ELAVL4: variants seen among roughly 807,000 people sequenced by gnomAD.
ELAVL4 encodes the protein ELAV-like protein 4.
In ELAVL4, 1 loss-of-function variant was observed where a neutral mutation model predicts 35.6. The observed-to-expected ratio is 0.03, with a 90% CI of 0.01 to 0.13. ELAVL4 has a LOEUF of 0.13. Ranked by LOEUF, ELAVL4 falls within the 10% of genes least tolerant of loss-of-function variation. ELAVL4 has a pLI of 1.00. For synonymous variants in ELAVL4, 156 were observed against 171.0 expected, an observed-to-expected ratio of 0.91 and a Z score of 0.69; for missense variants, 267 against 464.9, an observed-to-expected ratio of 0.57 and a Z score of 3.91.
At position 50,054,874 on chromosome 1, in the gene ELAVL4, G is replaced by A. The variant is rs1199017597; in HGVS notation, c.18+6692G>A. ...TTCAGCCAATACGGAGCACTTACAG[G>A]ATATCTCAGACAGAAGAAAAGTGAG... On this transcript the variant is annotated intron_variant, in intron 1 of 6. Transcript: ENST00000448907. Among the ~76,000 whole-genome samples the A allele has an allele frequency of 3.3e-5, 5 of 152,286 alleles. No individual in the cohort carries two copies. The East Asian group carries it at 7.7e-4, about 24-fold the overall frequency.
intron 1 of ELAVL4, among the ~76,000 whole-genome samples, chr1:50,116,417 T>C (rs967583): frequency 0.15 from 21,803 of 147,252 alleles, 1,760 homozygotes; most frequent in East Asian, 0.41. Flanking sequence ...TGTGTGCGTG[T>C]GTGTGTGTGT....
chr1:50,138,682 T>A (rs1478769969), intron 1 of ELAVL4, among the ~76,000 whole-genome samples: 1 of 152,042 alleles, frequency 6.6e-6, no homozygotes, highest in African/African-American at 2.4e-5. Context: ...GCCAGGTTGG[T>A]CTCAAACTCC....
intron 3 of ELAVL4, among the ~76,000 whole-genome samples, chr1:50,192,517 ACG>A (rs979201561): frequency 8.0e-4 from 92 of 114,702 alleles, no homozygotes; most frequent in South Asian, 5.1e-3. Context: ...TTTTGTGTGC[ACG>A]CACACACACA....
intron 3 of ELAVL4, among the ~76,000 whole-genome samples, chr1:50,177,427 G>A (rs756409135): frequency 6.6e-6 from 1 of 152,190 alleles, no homozygotes; most frequent in Non-Finnish European, 1.5e-5. Flanking sequence ...AGGGCAGATG[G>A]GATATTTGGG....
At chr1:50,152,646 T>C (rs1674996376) in intron 2 of ELAVL4, among the ~76,000 whole-genome samples, 1 of 152,170 alleles carries the variant, frequency 6.6e-6, no homozygotes, top group African/African-American at 2.4e-5. Context: ...GTAGTGGTGA[T>C]TTCTTTTTCC....
At chr1:50,076,400 TTTATTATTAG>T (rs1161684472) in intron 1 of ELAVL4, among the ~76,000 whole-genome samples, 1 of 152,212 alleles carries the variant, frequency 6.6e-6, no homozygotes, top group Non-Finnish European at 1.5e-5. Context: ...GTTGTTCTAT[TTTATTATTAG>T]TTATTATTGT....
chr1:50,065,078 G>T (rs1463043872), intron 1 of ELAVL4, among the ~76,000 whole-genome samples: 1 of 152,250 alleles, frequency 6.6e-6, no homozygotes, highest in Non-Finnish European at 1.5e-5. Flanking sequence ...GGCAACATGG[G>T]TGTTGGCTGT....
chr1:50,156,580 C>G (rs1202403693), intron 2 of ELAVL4, among the ~76,000 whole-genome samples: 3 of 152,182 alleles, frequency 2.0e-5, no homozygotes, highest in Non-Finnish European at 4.4e-5. Flanking sequence ...CTTACGTTTA[C>G]TAAGCACCTG....
At chr1:50,200,668 A>C in intron 6 of ELAVL4, 183 bp from the exon 7 acceptor site, 1 of 1,276,256 alleles carries the variant, frequency 7.8e-7, no homozygotes, top group Non-Finnish European at 1.1e-6. Flanking sequence ...CTAGCCAGTC[A>C]AGCCATTCCC....
At chr1:50,155,435 C>G (rs1323380780) in intron 2 of ELAVL4, among the ~76,000 whole-genome samples, 2 of 152,076 alleles carry the variant, frequency 1.3e-5, no homozygotes, top group Non-Finnish European at 2.9e-5. Context: ...AGCCTGAAAT[C>G]ATATACATGG....
chr1:50,137,278 C>A (rs1672040119), intron 1 of ELAVL4, among the ~76,000 whole-genome samples: 1 of 152,096 alleles, frequency 6.6e-6, no homozygotes, highest in South Asian at 2.1e-4. Flanking sequence ...ACTATGGTAG[C>A]AACAATGATT....
chr1:50,048,067 A>C (rs1049530126), exon 1 of ELAVL4: 1 of 1,361,220 alleles, frequency 7.3e-7, no homozygotes, highest in African/African-American at 1.5e-5. Flanking sequence ...AGCGAGCTAG[A>C]GAGCGAGAGC....
chr1:50,099,556 G>A (rs1304133153), upstream of ELAVL4, among the ~76,000 whole-genome samples: 3 of 96,482 alleles, frequency 3.1e-5, no homozygotes, highest in Admixed American at 1.4e-4. Flanking sequence ...GCGAAACTCC[G>A]CCTCAAAAAA....
chr1:50,062,542 G>C (rs144446477), intron 1 of ELAVL4, among the ~76,000 whole-genome samples: 1 of 152,260 alleles, frequency 6.6e-6, no homozygotes, highest in Non-Finnish European at 1.5e-5. Context: ...TGTGTGCTCA[G>C]TGCTACTTCA....
At chr1:50,087,995 G>T (rs1265827359) in intron 1 of ELAVL4, among the ~76,000 whole-genome samples, 1 of 152,200 alleles carries the variant, frequency 6.6e-6, no homozygotes, top group Non-Finnish European at 1.5e-5. Context: ...AGACCCAGTA[G>T]ACATACAAAT....
chr1:50,105,297 T>C (rs930207197), upstream of ELAVL4, among the ~76,000 whole-genome samples: 9 of 152,232 alleles, frequency 5.9e-5, no homozygotes, highest in African/African-American at 2.2e-4. Context: ...CATGAGGTTT[T>C]TGGCCTTCCC....
intron 1 of ELAVL4, among the ~76,000 whole-genome samples, chr1:50,091,040 G>A (rs1362462504): frequency 1.3e-5 from 2 of 152,190 alleles, no homozygotes; most frequent in Non-Finnish European, 2.9e-5. Flanking sequence ...TAAGCTAGAA[G>A]AATGCAGAGG....
At chr1:50,068,315 G>A (rs1664360711) in intron 1 of ELAVL4, among the ~76,000 whole-genome samples, 1 of 152,160 alleles carries the variant, frequency 6.6e-6, no homozygotes, top group African/African-American at 2.4e-5. Context: ...TGGTATGGCG[G>A]TGGGTGAGAG....
intron 1 of ELAVL4, among the ~76,000 whole-genome samples, chr1:50,069,084 G>A (rs549639059): frequency 6.6e-6 from 1 of 152,188 alleles, no homozygotes; most frequent in Non-Finnish European, 1.5e-5. Context: ...ACATCCTGCT[G>A]TCTTACATGA....
Sources: allele counts gnomAD v4.1 joint callset (sites outside exome capture counted in the v4.1 genomes callset), GRCh38; gene constraint gnomAD v4.1.1; transcripts MANE v1.5; gene names NCBI Gene and HGNC (gene_info 2026-07-23, HGNC 2026-07-21).